The following KIF16B variants were observed in gnomAD, a reference collection of about 807,000 sequenced individuals.
KIF16B encodes the protein kinesin family member 16B.
A neutral mutation model predicts 156.3 loss-of-function variants in KIF16B; 98 were observed. The ratio of observed to expected loss-of-function variants is 0.63; its 90% CI spans 0.53 to 0.74. The LOEUF (loss-of-function observed/expected upper bound fraction) is 0.74, where lower values mean the gene tolerates loss of function less well. Among genes scored for constraint, KIF16B ranks in the 30% least tolerant of loss-of-function variants. The pLI is 0.00. For synonymous variants in KIF16B, 564 were observed against 583.7 expected (o/e 0.97, Z 0.49); for missense variants, 1,421 against 1,606.5 (o/e 0.88, Z 1.97).
At chr20:16,540,896 C>T (rs2070171028) in intron 1 of KIF16B, among the ~76,000 whole-genome samples, 1 of 152,174 alleles carries the variant, frequency 6.6e-6, no homozygotes, top group South Asian at 2.1e-4. Context: ...CACACTGTTT[C>T]TTACCCAATG....
chr20:16,409,018 G>C (rs1378275399), intron 15 of KIF16B, among the ~76,000 whole-genome samples: 1 of 152,084 alleles, frequency 6.6e-6, no homozygotes, highest in Non-Finnish European at 1.5e-5. Flanking sequence ...TGCCTTTATG[G>C]AGCTTTAAAA....
chr20:16,488,112 CG>C (rs2068177966), intron 12 of KIF16B, among the ~76,000 whole-genome samples: 1 of 152,116 alleles, frequency 6.6e-6, no homozygotes, highest in African/African-American at 2.4e-5. Flanking sequence ...CAAAGCCAGC[CG>C]GACATTGGAG....
chr20:16,525,417 A>AAGC (rs551596594), intron 3 of KIF16B, among the ~76,000 whole-genome samples: 57 of 152,198 alleles, frequency 3.7e-4, no homozygotes, highest in African/African-American at 1.4e-3. Flanking sequence ...CTGCTCAAAT[A>AAGC]AGCAGCTTTT....
intron 1 of KIF16B, among the ~76,000 whole-genome samples, chr20:16,542,535 G>A (rs977642731): frequency 5.9e-5 from 9 of 152,224 alleles, no homozygotes; most frequent in African/African-American, 1.7e-4. Flanking sequence ...AGGAAGGCAA[G>A]CAGCCAGAAA....
rs550449005 is a variant in KIF16B at position 16,456,787 on chromosome 20, G to A, written c.1303-26805C>T. On this transcript the variant is annotated intron_variant, in intron 12 of 25. Transcript: ENST00000354981. ...CTGTGTTTTTGCCACATCTGGCTTG[G>A]AGAAGAACATGAAAATGGAAGCTGA... is the stretch of plus-strand genomic sequence containing the variant. Among the ~76,000 whole-genome samples the A allele has an allele frequency of 9.8e-4, 149 of 152,204 alleles. 1 individual carries two copies. In the Middle Eastern group the frequency reaches 0.01, roughly 10 times the overall value.
intron 22 of KIF16B, among the ~76,000 whole-genome samples, chr20:16,363,117 A>T (rs954124138): frequency 6.6e-6 from 1 of 152,226 alleles, no homozygotes; most frequent in African/African-American, 2.4e-5. Context: ...AGGCAGATAT[A>T]TGAGAAGTGT....
At chr20:16,489,845 C>T (rs1724991963) in intron 12 of KIF16B, among the ~76,000 whole-genome samples, 1 of 152,130 alleles carries the variant, frequency 6.6e-6, no homozygotes, top group South Asian at 2.1e-4. Context: ...GTTGATGCTG[C>T]TATCCATGCT....
intron 24 of KIF16B, among the ~76,000 whole-genome samples, chr20:16,313,252 C>T (rs35219909): frequency 0.03 from 4,519 of 152,186 alleles, 97 homozygotes; most frequent in Non-Finnish European, 0.046. Context: ...CAAATTGAAG[C>T]CAATGAAGCA....
rs11318601 is a variant in KIF16B, at chr20:16,472,553, T to TA, written c.1302+21737dup. The stretch of plus-strand genomic sequence containing the variant: ...TAAAGCCTTCCAAAGCATCTGAAAT[T>TA]AAAAAAAAAAAAAAAAAAAAAAAGT... On this transcript the variant is annotated intron_variant, in intron 12 of 25. Coordinates refer to ENST00000354981, the MANE Select transcript of KIF16B (RefSeq NM_024704.5). 6.5e-3 allele frequency among the ~76,000 whole-genome samples: 742 copies of TA among 113,524 alleles called. 2 individuals are homozygous for TA. The highest frequency in any genetic ancestry group is 0.02 in the East Asian group (78 of 3,908). The allele number at this position is 113,524 out of a possible 152,430, so 74.5% of individuals were successfully genotyped here.
chr20:16,490,497 C>T (rs564931846), intron 12 of KIF16B, among the ~76,000 whole-genome samples: 101 of 152,246 alleles, frequency 6.6e-4, no homozygotes, highest in Non-Finnish European at 1.0e-3. Context: ...GCCGAAATCA[C>T]ACCATTGCAC....
chr20:16,280,299 C>G (rs1039495916), intron 25 of KIF16B, among the ~76,000 whole-genome samples: 5 of 152,116 alleles, frequency 3.3e-5, no homozygotes, highest in Admixed American at 1.3e-4. Flanking sequence ...GGCTTCCCCC[C>G]TCTCTTACAC....
chr20:16,477,848 A>G (rs552820992), intron 12 of KIF16B, among the ~76,000 whole-genome samples: 7 of 152,268 alleles, frequency 4.6e-5, no homozygotes, highest in African/African-American at 1.7e-4. Flanking sequence ...CTACAAAGAG[A>G]TAAAAGGGGG....
intron 24 of KIF16B, among the ~76,000 whole-genome samples, chr20:16,325,558 GA>G (rs56094995): frequency 0.37 from 53,744 of 145,056 alleles, 10,696 homozygotes; most frequent in East Asian, 0.58. Context: ...TACAATAGCT[GA>G]AAAAAAAAAA....
At chr20:16,502,985 C>T (rs60446559) in intron 10 of KIF16B, among the ~76,000 whole-genome samples, 1,731 of 152,302 alleles carry the variant, frequency 0.011, 36 homozygotes, top group African/African-American at 0.039. Flanking sequence ...GAGGCCAAGG[C>T]GGGCAGATCA....
At chr20:16,412,050 C>T (rs1344779351) in intron 15 of KIF16B, among the ~76,000 whole-genome samples, 6 of 150,234 alleles carry the variant, frequency 4.0e-5, no homozygotes, top group Non-Finnish European at 5.9e-5. Flanking sequence ...ACAAGAGGAC[C>T]TAACATTGGG....
intron 10 of KIF16B, among the ~76,000 whole-genome samples, chr20:16,499,947 T>C (rs1417997506): frequency 6.6e-6 from 1 of 152,218 alleles, no homozygotes; most frequent in Non-Finnish European, 1.5e-5. Flanking sequence ...AGTTCATACG[T>C]TGTTAAATCA....
At chr20:16,560,761 G>A (rs1012107485) in intron 1 of KIF16B, among the ~76,000 whole-genome samples, 3 of 151,926 alleles carry the variant, frequency 2.0e-5, no homozygotes, top group Non-Finnish European at 4.4e-5. Context: ...CTCAAGCCTG[G>A]GTGACAAAGT....
chr20:16,410,132 C>CATATATATATGTAGGTACAT (rs1568948782), intron 15 of KIF16B, among the ~76,000 whole-genome samples: 4 of 121,648 alleles, frequency 3.3e-5, no homozygotes, highest in South Asian at 2.7e-4. Context: ...TATGTAGGTA[C>CATATATATATGTAGGTACAT]ATATATATAT....
chr20:16,502,535 C>T (rs968707072), intron 10 of KIF16B, among the ~76,000 whole-genome samples: 1 of 151,988 alleles, frequency 6.6e-6, no homozygotes, highest in East Asian at 1.9e-4. Context: ...CTTTTATATC[C>T]TCACCCCCAA....
Sources: gnomAD v4.1 joint callset for allele counts (sites outside exome capture counted in the v4.1 genomes callset) on GRCh38, gnomAD v4.1.1 for gene constraint, MANE v1.5 for transcripts, NCBI Gene and HGNC (gene_info 2026-07-23, HGNC 2026-07-21) for gene names.